FUT8: variants seen among roughly 807,000 people sequenced by gnomAD.
FUT8 encodes the protein fucosyltransferase 8.
Under a neutral mutation model 71.3 loss-of-function variants are expected in FUT8, and 29 were observed. That is an observed-to-expected ratio of 0.41 (90% CI 0.30 to 0.55). The LOEUF is 0.55. FUT8 is among the 20% of genes least tolerant of loss of function. The probability of loss-of-function intolerance (pLI) is 0.34; values close to 1 mark genes in which losing one functional copy is unlikely to be tolerated. For synonymous variants in FUT8, 254 were observed against 239.3 expected (o/e 1.06, Z -0.57); for missense variants, 544 against 702.1 (o/e 0.77, Z 2.55).
intron 9 of FUT8, among the ~76,000 whole-genome samples, chr14:65,728,678 T>C (rs1474235356): frequency 1.0e-5 from 1 of 95,950 alleles, no homozygotes; most frequent in African/African-American, 4.2e-5. Context: ...ACCTTTTCTA[T>C]GTTTAGATAA....
At chr14:65,629,673 A>G in intron 6 of FUT8, 67 bp downstream of exon 6, 1 of 1,107,428 alleles carries the variant, frequency 9.0e-7, no homozygotes, top group Non-Finnish European at 1.4e-6. Flanking sequence ...ACTAAGAGTA[A>G]TAATTTCAGT....
chr14:65,719,647 G>T (rs1338525662), intron 7 of FUT8, among the ~76,000 whole-genome samples: 2 of 152,190 alleles, frequency 1.3e-5, no homozygotes, highest in Non-Finnish European at 2.9e-5. Flanking sequence ...TTTGGTCATT[G>T]CAGCCATATC....
At chr14:65,594,271 T>C (rs1190962420) in intron 3 of FUT8, among the ~76,000 whole-genome samples, 1 of 152,154 alleles carries the variant, frequency 6.6e-6, no homozygotes, top group African/African-American at 2.4e-5. Context: ...GTAAACTTAC[T>C]ATTTACTTTG....
chr14:65,480,697 A>AT (rs1056960992), intron 2 of FUT8, among the ~76,000 whole-genome samples: 77 of 143,740 alleles, frequency 5.4e-4, no homozygotes, highest in Admixed American at 1.0e-3. Context: ...CTGTAATTCT[A>AT]TTTTTTTTTT....
chr14:65,382,715 T>C, the FUT8 span, among the ~76,000 whole-genome samples: 15 of 152,294 alleles, frequency 9.8e-5, no homozygotes, highest in Non-Finnish European at 2.2e-4. Context: ...ATCTCTTTTT[T>C]ATAACACTTC....
intron 2 of FUT8, among the ~76,000 whole-genome samples, chr14:65,520,272 T>C (rs139963783): frequency 2.6e-5 from 4 of 152,326 alleles, no homozygotes; most frequent in Non-Finnish European, 5.9e-5. Flanking sequence ...TTTTTTTGTA[T>C]ACTTATAAAT....
chr14:65,722,721 G>A (rs1895480312), intron 8 of FUT8, among the ~76,000 whole-genome samples: 2 of 152,200 alleles, frequency 1.3e-5, no homozygotes, highest in Non-Finnish European at 2.9e-5. Context: ...GATGTGGGAA[G>A]GAAAGATGAT....
chr14:65,504,288 A>T (rs192029512), intron 2 of FUT8, among the ~76,000 whole-genome samples: 2 of 152,340 alleles, frequency 1.3e-5, no homozygotes, highest in East Asian at 3.9e-4. Context: ...TATTTGTCCA[A>T]TCTTTGCTTC....
intron 2 of FUT8, among the ~76,000 whole-genome samples, chr14:65,457,471 T>C (rs2065909241): frequency 6.6e-6 from 1 of 152,120 alleles, no homozygotes; most frequent in African/African-American, 2.4e-5. Flanking sequence ...TTGAATATAG[T>C]GGTAGTGTAG....
chr14:65,633,923 C>A (rs1890381317), intron 6 of FUT8, among the ~76,000 whole-genome samples: 1 of 151,636 alleles, frequency 6.6e-6, no homozygotes, highest in South Asian at 2.1e-4. Context: ...CGGCCAGCTG[C>A]CCCGTCCGGG....
chr14:65,661,533 GT>G (rs1891964777), intron 6 of FUT8, among the ~76,000 whole-genome samples: 1 of 152,174 alleles, frequency 6.6e-6, no homozygotes, highest in Non-Finnish European at 1.5e-5. Flanking sequence ...TTTTTGGTCA[GT>G]AGTAACTCTG....
chr14:65,509,129 C>T (rs1406558709), intron 2 of FUT8, among the ~76,000 whole-genome samples: 1 of 152,130 alleles, frequency 6.6e-6, no homozygotes, highest in Non-Finnish European at 1.5e-5. Flanking sequence ...AGTCTAGTTT[C>T]ATTCTTCTGC....
At chr14:65,544,810 G>A (rs1411691928) in intron 2 of FUT8, among the ~76,000 whole-genome samples, 1 of 152,024 alleles carries the variant, frequency 6.6e-6, no homozygotes, top group African/African-American at 2.4e-5. Context: ...TATATACTAT[G>A]ACACTACTGA....
intron 3 of FUT8, among the ~76,000 whole-genome samples, chr14:65,581,109 G>A (rs1303666820): frequency 1.3e-5 from 2 of 151,950 alleles, no homozygotes; most frequent in African/African-American, 2.4e-5. Context: ...GCTGCCTTTG[G>A]GATGTAGGTG....
At chr14:65,452,972 T>C (rs953456404) in intron 1 of FUT8, among the ~76,000 whole-genome samples, 1 of 152,198 alleles carries the variant, frequency 6.6e-6, no homozygotes, top group African/African-American at 2.4e-5. Flanking sequence ...ATCAACCCTG[T>C]CATTTCTGGG....
intron 6 of FUT8, among the ~76,000 whole-genome samples, chr14:65,667,026 G>A (rs905645237): frequency 6.6e-6 from 1 of 152,010 alleles, no homozygotes; most frequent in African/African-American, 2.4e-5. Flanking sequence ...CCTATAAATA[G>A]TAAGACCTAC....
chr14:65,484,696 A>C lies in FUT8; in HGVS notation c.-228+28978A>C, dbSNP rs557675822. 1.8e-3 allele frequency among the ~76,000 whole-genome samples: 278 copies of C among 152,170 alleles called. 1 individual carries two copies. The highest frequency in any genetic ancestry group is 6.6e-3 in the African/African-American group (272 of 41,508). ...CTCAAAAAAATAAAAAAATTTGTTA[A>C]TATGGTGGATTACATTGCTTGATTT... On this transcript the variant is annotated intron_variant, in intron 2 of 10. Coordinates refer to ENST00000673929, the MANE Select transcript of FUT8 (RefSeq NM_001371533.1).
At chr14:65,589,569 G>C (rs962911563) in intron 3 of FUT8, among the ~76,000 whole-genome samples, 6 of 147,486 alleles carry the variant, frequency 4.1e-5, no homozygotes, top group Non-Finnish European at 7.4e-5. Flanking sequence ...TCAGCCTCCC[G>C]AGTAGCTGGG....
At chr14:65,423,270 T>G (rs563409974) in intron 1 of FUT8, among the ~76,000 whole-genome samples, 1 of 148,826 alleles carries the variant, frequency 6.7e-6, no homozygotes, top group African/African-American at 2.5e-5. Flanking sequence ...TTTCTTTTTT[T>G]TTTTTTTTTG....
Sources: allele counts gnomAD v4.1 joint callset (sites outside exome capture counted in the v4.1 genomes callset), GRCh38; gene constraint gnomAD v4.1.1; transcripts MANE v1.5; gene names NCBI Gene and HGNC (gene_info 2026-07-23, HGNC 2026-07-21).